CNTN4: variants seen among roughly 807,000 people sequenced by gnomAD.
CNTN4 encodes contactin 4.
In CNTN4, 77 loss-of-function variants were observed where a neutral mutation model predicts 122.5. That is an observed-to-expected ratio of 0.63 (90% CI 0.52 to 0.76). The LOEUF (loss-of-function observed/expected upper bound fraction) is 0.76, where lower values mean the gene tolerates loss of function less well. Among genes scored for constraint, CNTN4 ranks in the 30% least tolerant of loss-of-function variants. CNTN4 has a pLI of 0.00. For missense variants in CNTN4, 1,256 were observed against 1,259.1 expected (o/e 1.00, Z 0.04); for synonymous variants, 512 against 447.0 (o/e 1.15, Z -1.83).
In CNTN4 at chr3:2,544,296, G is replaced by C. The variant is rs138153639; in HGVS notation, c.-88-27120G>C. On this transcript the variant is annotated intron_variant, in intron 3 of 24. Coordinates refer to ENST00000418658, the MANE Select transcript of CNTN4 (RefSeq NM_175607.3). ...GCCTTAGTCCTCCTTGGAGAACATGGGAAGAAAGATTGTTCTTCTGCAATC... is the reference window on the plus strand; with the variant it reads ...GCCTTAGTCCTCCTTGGAGAACATGCGAAGAAAGATTGTTCTTCTGCAATC... Among the ~76,000 whole-genome samples, 3 of 152,004 alleles carry C rather than the reference G, an allele frequency of 2.0e-5. No individual in the cohort carries two copies. The East Asian group carries it at 5.8e-4, about 29-fold the overall frequency.
chr3:2,228,624 A>ATAT (rs925286012), intron 2 of CNTN4, among the ~76,000 whole-genome samples: 1 of 152,098 alleles, frequency 6.6e-6, no homozygotes, highest in Non-Finnish European at 1.5e-5. Flanking sequence ...TATTATAGAC[A>ATAT]TATTATTATC....
intron 3 of CNTN4, among the ~76,000 whole-genome samples, chr3:2,351,832 A>C (rs2044636247): frequency 3.4e-5 from 5 of 145,712 alleles, no homozygotes; most frequent in South Asian, 2.4e-4. Context: ...GGGGGAGGGA[A>C]TGGGGGATTG....
At chr3:2,296,508 A>T (rs1559425579) in intron 2 of CNTN4, among the ~76,000 whole-genome samples, 1 of 152,194 alleles carries the variant, frequency 6.6e-6, no homozygotes, top group Non-Finnish European at 1.5e-5. Context: ...ATGTCACTGT[A>T]ATATACCATA....
intron 2 of CNTN4, among the ~76,000 whole-genome samples, chr3:2,135,046 C>T (rs928766149): frequency 2.0e-5 from 3 of 152,100 alleles, no homozygotes; most frequent in African/African-American, 7.2e-5. Context: ...AGTTATCAGG[C>T]CCAAAATGTC....
chr3:2,812,217 C>T (rs188382366), intron 6 of CNTN4, among the ~76,000 whole-genome samples: 182 of 152,220 alleles, frequency 1.2e-3, no homozygotes, highest in African/African-American at 4.2e-3. Context: ...GTACAACAAA[C>T]CCCCATGACA....
intron 4 of CNTN4, among the ~76,000 whole-genome samples, chr3:2,616,596 C>T (rs896201825): frequency 6.6e-6 from 1 of 152,164 alleles, no homozygotes; most frequent in African/African-American, 2.4e-5. Flanking sequence ...TTTCCACCAA[C>T]AGTATAAAAG....
At chr3:2,917,367 A>AC (rs75037114) in intron 12 of CNTN4, among the ~76,000 whole-genome samples, 1 of 151,868 alleles carries the variant, frequency 6.6e-6, no homozygotes, top group Non-Finnish European at 1.5e-5. Context: ...GGAGACGGAG[A>AC]GGTGTACTTT....
At chr3:2,610,612 GT>G (rs1214398655) in intron 4 of CNTN4, among the ~76,000 whole-genome samples, 12 of 152,264 alleles carry the variant, frequency 7.9e-5, no homozygotes, top group African/African-American at 2.9e-4. Flanking sequence ...GGGTTAATGT[GT>G]TATAAATGTA....
intron 4 of CNTN4, among the ~76,000 whole-genome samples, chr3:2,725,352 A>G (rs1025971884): frequency 6.6e-6 from 1 of 152,182 alleles, no homozygotes; most frequent in African/African-American, 2.4e-5. Context: ...ATGTAATCAG[A>G]AAGTTTGGGA....
intron 13 of CNTN4, among the ~76,000 whole-genome samples, chr3:2,976,295 C>T (rs913650546): frequency 6.6e-6 from 1 of 152,140 alleles, no homozygotes; most frequent in African/African-American, 2.4e-5. Flanking sequence ...GAAGTTAAAC[C>T]TGAATCAAAC....
At chr3:2,969,318 C>T (rs1692642067) in intron 13 of CNTN4, among the ~76,000 whole-genome samples, 1 of 152,088 alleles carries the variant, frequency 6.6e-6, no homozygotes, top group African/African-American at 2.4e-5. Flanking sequence ...CTTAGGATGA[C>T]ACACATTTAT....
intron 17 of CNTN4, among the ~76,000 whole-genome samples, chr3:3,036,228 C>G (rs901536980): frequency 6.6e-6 from 1 of 152,166 alleles, no homozygotes; most frequent in South Asian, 2.1e-4. Flanking sequence ...CAGTGTTGAG[C>G]AATTCATATA....
chr3:3,050,699 G>T (rs192983180), intron 23 of CNTN4, among the ~76,000 whole-genome samples: 7 of 147,262 alleles, frequency 4.8e-5, no homozygotes, highest in Admixed American at 1.4e-4. Context: ...GGAGGCGGAG[G>T]TTGTAGTGAG....
intron 3 of CNTN4, among the ~76,000 whole-genome samples, chr3:2,475,878 T>C (rs1159928914): frequency 2.0e-5 from 3 of 152,158 alleles, no homozygotes; most frequent in African/African-American, 7.2e-5. Context: ...CTCTACACAG[T>C]GGATCAGGGT....
intron 3 of CNTN4, among the ~76,000 whole-genome samples, chr3:2,339,496 C>A (rs1720182): frequency 6.6e-6 from 1 of 152,060 alleles, no homozygotes; most frequent in African/African-American, 2.4e-5. Flanking sequence ...ATTTGATAAT[C>A]CAAAAATTTT....
chr3:2,970,051 C>G (rs949394195), intron 13 of CNTN4, among the ~76,000 whole-genome samples: 1 of 152,148 alleles, frequency 6.6e-6, no homozygotes, highest in African/African-American at 2.4e-5. Flanking sequence ...TCCCCAAAAC[C>G]TTAACTATCA....
intron 6 of CNTN4, among the ~76,000 whole-genome samples, chr3:2,746,158 T>C (rs2089758752): frequency 3.7e-5 from 1 of 27,048 alleles, no homozygotes; most frequent in Non-Finnish European, 1.2e-4. Flanking sequence ...GCCAGTAATT[T>C]AGTAGAGTCA....
chr3:2,477,313 A>G (rs548881743), intron 3 of CNTN4, among the ~76,000 whole-genome samples: 1 of 152,298 alleles, frequency 6.6e-6, no homozygotes, highest in Non-Finnish European at 1.5e-5. Context: ...TGGAAGAGTT[A>G]CTTAGTTGGA....
chr3:2,972,200 A>G (rs995504144), intron 13 of CNTN4, among the ~76,000 whole-genome samples: 4 of 152,174 alleles, frequency 2.6e-5, no homozygotes, highest in Non-Finnish European at 5.9e-5. Flanking sequence ...CAGGTTACCT[A>G]ATTTTTAAAA....
Sources: allele counts gnomAD v4.1 joint callset (sites outside exome capture counted in the v4.1 genomes callset), GRCh38; gene constraint gnomAD v4.1.1; transcripts MANE v1.5; gene names NCBI Gene and HGNC (gene_info 2026-07-23, HGNC 2026-07-21).